Variants in INSL6 observed in about 807,000 individuals in gnomAD.
The protein encoded by INSL6 is insulin like 6, also known as insulin-like peptide INSL6.
INSL6 carries 16 observed loss-of-function variants against 9.4 expected under a neutral mutation model. The ratio of observed to expected loss-of-function variants is 1.70; its 90% CI spans 1.15 to 2.59. The LOEUF (loss-of-function observed/expected upper bound fraction) is 2.59, where lower values mean the gene tolerates loss of function less well. INSL6 is among the 30% of genes most tolerant of loss of function. The pLI is 0.00. For missense variants in INSL6, 391 were observed against 257.3 expected (o/e 1.52, Z -3.56); for synonymous variants, 154 against 96.9 (o/e 1.59, Z -3.46).
chr9:5,100,706 G>C, the INSL6 span: 1 of 152,194 alleles, frequency 6.6e-6, no homozygotes. Context: ...GAAATCGAAA[G>C]CAAATAATTC....
At chr9:5,035,260 A>C in the INSL6 span, among the ~76,000 whole-genome samples, 1 of 152,310 alleles carries the variant, frequency 6.6e-6, no homozygotes, top group East Asian at 1.9e-4. Flanking sequence ...CAACCAAAAA[A>C]AGTCCAGGAC....
At chr9:5,007,770 ACT>A in the INSL6 span, among the ~76,000 whole-genome samples, 1 of 151,674 alleles carries the variant, frequency 6.6e-6, no homozygotes, top group African/African-American at 2.4e-5. Flanking sequence ...CCCAGGCTGA[ACT>A]GCAGTGGTGT....
chr9:5,161,259 G>A (rs1283643969), downstream of INSL6, among the ~76,000 whole-genome samples: 1 of 152,124 alleles, frequency 6.6e-6, no homozygotes, highest in Admixed American at 6.6e-5. Flanking sequence ...ATTTATTCCA[G>A]GAATGCAAGA....
chr9:5,025,722 G>T, the INSL6 span, among the ~76,000 whole-genome samples: 1 of 151,918 alleles, frequency 6.6e-6, no homozygotes, highest in Non-Finnish European at 1.5e-5. Context: ...TGGTAGAGAC[G>T]GGGTTTGCCA....
At chr9:5,034,222 A>T in the INSL6 span, among the ~76,000 whole-genome samples, 1 of 152,196 alleles carries the variant, frequency 6.6e-6, no homozygotes, top group Non-Finnish European at 1.5e-5. Flanking sequence ...CCAATACAGG[A>T]GCACCCAGAT....
At chr9:5,172,920 T>C (rs1825215692) in intron 1 of INSL6, among the ~76,000 whole-genome samples, 1 of 148,352 alleles carries the variant, frequency 6.7e-6, no homozygotes, top group South Asian at 2.1e-4. Context: ...AAAGCAAGAC[T>C]CCACCTCAAA....
chr9:5,063,819 G>C, the INSL6 span, among the ~76,000 whole-genome samples: 1 of 152,080 alleles, frequency 6.6e-6, no homozygotes, highest in African/African-American at 2.4e-5. Flanking sequence ...TCCCATGTAA[G>C]TAACATGCTG....
At chr9:5,094,652 C>T in the INSL6 span, 1 of 152,170 alleles carries the variant, frequency 6.6e-6, no homozygotes, top group Non-Finnish European at 1.5e-5. Context: ...CAAAAACTAA[C>T]CGAGCCCCTT....
At chr9:5,085,087 T>C in the INSL6 span, 5 of 665,820 alleles carry the variant, frequency 7.5e-6, no homozygotes, top group Non-Finnish European at 1.1e-5. Flanking sequence ...TATTGCTTCA[T>C]GGCAGTACTG....
chr9:5,056,244 C>G, the INSL6 span, among the ~76,000 whole-genome samples: 4 of 152,066 alleles, frequency 2.6e-5, no homozygotes, highest in Non-Finnish European at 5.9e-5. Flanking sequence ...AGCTGTAGGA[C>G]ATGGTTGATT....
intron 2 of INSL6, among the ~76,000 whole-genome samples, chr9:5,145,626 C>T (rs1824587839): frequency 6.6e-6 from 1 of 152,156 alleles, no homozygotes; most frequent in Non-Finnish European, 1.5e-5. Flanking sequence ...TTTACACAAT[C>T]CCATATTTCT....
chr9:5,161,362 T>A (rs572132191), downstream of INSL6, among the ~76,000 whole-genome samples: 1 of 152,228 alleles, frequency 6.6e-6, no homozygotes, highest in Non-Finnish European at 1.5e-5. Context: ...TCAAAAAGCA[T>A]TTGATAAAAA....
Position 5,140,828 on chromosome 9 carries a change from C to G in INSL6, c.377-7236G>C, listed in dbSNP as rs548642664. On this transcript the variant is annotated intron_variant, in intron 2 of 3. Coordinates refer to the INSL6 transcript ENST00000649639. ...ATTATTTTGTCACCTAGGTATTAAG[C>G]CTAGTTATTTTTTCTGGTCTTCTCC... Among the ~76,000 whole-genome samples the G allele has an allele frequency of 2.0e-5, 3 of 151,852 alleles. No individual in the cohort carries two copies. In the East Asian group the frequency reaches 5.8e-4, roughly 29 times the overall value.
chr9:4,992,164 A>G, the INSL6 span, among the ~76,000 whole-genome samples: 1 of 152,186 alleles, frequency 6.6e-6, no homozygotes, highest in East Asian at 1.9e-4. Flanking sequence ...CTTCACTCAC[A>G]TGATGGGTAG....
At chr9:5,119,386 C>T (rs988063128), downstream of INSL6, among the ~76,000 whole-genome samples, 8 of 151,750 alleles carry the variant, frequency 5.3e-5, no homozygotes, top group African/African-American at 1.9e-4. Context: ...GAAAATTATG[C>T]ACTTTCATGT....
At chr9:5,086,441 A>G in the INSL6 span, among the ~76,000 whole-genome samples, 1 of 152,306 alleles carries the variant, frequency 6.6e-6, no homozygotes, top group East Asian at 1.9e-4. Flanking sequence ...AATTATCAGC[A>G]TCATTCTCAA....
the INSL6 span, chr9:5,066,620 T>G: frequency 1.1e-6 from 1 of 929,866 alleles, no homozygotes; most frequent in Non-Finnish European, 1.8e-6. Flanking sequence ...AGATGACACT[T>G]GGTCATAATA....
At chr9:5,134,559 C>A (rs1021587279) in intron 2 of INSL6, among the ~76,000 whole-genome samples, 2 of 152,170 alleles carry the variant, frequency 1.3e-5, no homozygotes, top group African/African-American at 4.8e-5. Flanking sequence ...AAAGAATTTT[C>A]AACCCAGTAT....
At chr9:5,153,596 A>G (rs1164881204) in intron 2 of INSL6, among the ~76,000 whole-genome samples, 1 of 152,208 alleles carries the variant, frequency 6.6e-6, no homozygotes, top group Non-Finnish European at 1.5e-5. Context: ...TCAGCCCAAA[A>G]TCTCCTTAAG....
Sources: gnomAD v4.1 joint callset for allele counts (sites outside exome capture counted in the v4.1 genomes callset) on GRCh38, gnomAD v4.1.1 for gene constraint, MANE v1.5 for transcripts, NCBI Gene and HGNC (gene_info 2026-07-23, HGNC 2026-07-21) for gene names.